Variants in VPS16 observed in about 807,000 individuals in gnomAD.
The protein encoded by VPS16 is vacuolar protein sorting-associated protein 16 homolog.
A neutral mutation model predicts 116.0 loss-of-function variants in VPS16; 82 were observed. That is an observed-to-expected ratio of 0.71 (90% CI 0.59 to 0.85). The LOEUF (loss-of-function observed/expected upper bound fraction) is 0.85, where lower values mean the gene tolerates loss of function less well. VPS16 is among the 40% of genes least tolerant of loss of function. VPS16 has a pLI of 0.00. For synonymous variants in VPS16, 406 were observed against 420.7 expected (o/e 0.96, Z 0.43); for missense variants, 928 against 1,090.6 (o/e 0.85, Z 2.10).
Position 2,861,660 on chromosome 20 carries a change from G to C in VPS16, c.855G>C (p.Trp285Cys). ...AGGAGAGGGCCGTGGTGGTGGCCTG[G>C]GAAAGGCGGCTGATGGTGGTGGGCG... ...RSKERAVVVAWERRLMVVGDA... is the reference protein window; with the variant it reads ...RSKERAVVVACERRLMVVGDA... Residue 285 changes from tryptophan to cysteine, a missense_variant, in exon 9 of 24, where the codon TGG becomes TGC. Trp to Cys is a radical substitution (Grantham distance 215). Coordinates refer to ENST00000380445, the MANE Select transcript of VPS16 (RefSeq NM_022575.4). The C allele has an allele frequency of 6.2e-7, 1 of 1,613,282 alleles. No individual in the cohort carries two copies. The highest frequency in any genetic ancestry group is 8.5e-7 in the Non-Finnish European group (1 of 1,179,898).
In VPS16 at chr20:2,860,247, T is replaced by G; in HGVS notation, c.249T>G (p.Ser83Arg). The change falls in exon 4 of 24, where the codon AGT (serine) becomes AGG (arginine). Residue 83 changes from serine to arginine, a missense_variant. Transcript: ENST00000380445. The surrounding 1 kb of genome is among the most constrained non-coding windows in gnomAD (Gnocchi z 6.1). Reference sequence around the variant, plus strand: ...ACCTCTCTCCCCTGCAGTGGAAGAGTGGACCCGTGGTGTCCCTGGGCTGGT... The same window carrying G: ...ACCTCTCTCCCCTGCAGTGGAAGAGGGGACCCGTGGTGTCCCTGGGCTGGT... ...GMPLASLLWK[S>R]GPVVSLGWSA... is the part of the protein sequence containing the mutation. The G allele has an allele frequency of 6.2e-7, 1 of 1,613,930 alleles. No individual in the cohort carries two copies. Among genetic ancestry groups the G allele is most frequent in the East Asian group, 2.2e-5 (1 of 44,862 alleles).
intron 2 of VPS16, 109 bp downstream of exon 2, chr20:2,859,916 C>A: frequency 6.8e-7 from 1 of 1,475,924 alleles, no homozygotes. Flanking sequence ...CCCCCACTCA[C>A]CCTGCTGAGA....
chr20:2,861,007 T>G lies in VPS16; in HGVS notation c.668T>G (p.Leu223Arg), dbSNP rs1394075620. 5.6e-6 allele frequency: 9 copies of G among 1,614,094 alleles called. No homozygotes were observed. The Admixed American group carries it at 1.5e-4, about 27-fold the overall frequency. The change falls in exon 7 of 24, where the codon CTA becomes CGA. Residue 223 changes from leucine to arginine, a missense_variant. Physicochemically the swap from Leu to Arg is moderately radical, Grantham distance 102. Coordinates refer to ENST00000380445, the MANE Select transcript of VPS16 (RefSeq NM_022575.4). Reference protein sequence around the residue: ...PGLAPGVSSFLQMAVSFTYRH... With the variant: ...PGLAPGVSSFRQMAVSFTYRH... ...CTGGCCCCAGGAGTAAGCAGCTTCCTACAGATGGCTGTCTCCTTCACCTAC... is the reference window on the plus strand; with the variant it reads ...CTGGCCCCAGGAGTAAGCAGCTTCCGACAGATGGCTGTCTCCTTCACCTAC...
intron 7 of VPS16, 24 bp downstream of exon 7, chr20:2,861,116 G>A (rs192393227): frequency 2.6e-4 from 414 of 1,614,172 alleles, no homozygotes; most frequent in Admixed American, 1.5e-3. Flanking sequence ...GCAACACAGG[G>A]GTACTGTGCC....
chr20:2,853,139 C>T (rs1034953186), intron 1 of VPS16, among the ~76,000 whole-genome samples: 4 of 152,200 alleles, frequency 2.6e-5, no homozygotes, highest in African/African-American at 9.6e-5. Context: ...ACTTGTAGTC[C>T]CAGCACTTTA....
rs752589076 is a variant in VPS16, at chr20:2,865,185, G to A, written c.2042G>A (p.Arg681Gln). Residue 681 changes from arginine to glutamine, a missense_variant, in exon 21 of 24, where the codon CGG (arginine) becomes CAG (glutamine). Transcript: ENST00000380445. The surrounding 1 kb of genome is among the most constrained non-coding windows in gnomAD (Gnocchi z 5.2). ...EDQMRLLRLQ[R>Q]RLEDELGGQF... ...CAAATGCGGCTCCTACGGCTGCAGCGGCGCCTAGAAGACGAGCTGGGGGGC... is the reference window on the plus strand; with the variant it reads ...CAAATGCGGCTCCTACGGCTGCAGCAGCGCCTAGAAGACGAGCTGGGGGGC... 30 of 1,614,158 alleles carry A rather than the reference G, an allele frequency of 1.9e-5. No homozygotes were observed. Among genetic ancestry groups the A allele is most frequent in the Middle Eastern group, 3.3e-4 (2 of 6,062 alleles).
In VPS16 at chr20:2,857,776, T is replaced by C. The variant is rs534978239; in HGVS notation, c.54-1943T>C. 2.6e-5 allele frequency among the ~76,000 whole-genome samples: 4 copies of C among 152,272 alleles called. No individual in the cohort carries two copies. The East Asian group carries it at 7.7e-4, about 29-fold the overall frequency. On this transcript the variant is annotated intron_variant, in intron 1 of 23. Transcript: ENST00000380445. ...CCCAGGCTGGAGTGCAGTGGCATGATCCTGGCTCACTGTAACTTCTGCCTC... is the reference window on the plus strand; with the variant it reads ...CCCAGGCTGGAGTGCAGTGGCATGACCCTGGCTCACTGTAACTTCTGCCTC...
Position 2,860,611 on chromosome 20 carries a change from T to C in VPS16, c.514+18T>C, listed in dbSNP as rs1225497113. 29 of 1,612,980 alleles carry C rather than the reference T, an allele frequency of 1.8e-5. No homozygotes were observed. Among genetic ancestry groups the C allele is most frequent in the Non-Finnish European group, 2.4e-5 (28 of 1,179,778 alleles). ...GGTGCCAGGTAAGCCCTGACACCGC[T>C]GAGATAGCCAAGCAGTACCCACAGA... On this transcript the variant is annotated intron_variant, in intron 5 of 23. Transcript: ENST00000380445. The surrounding 1 kb of genome is among the most constrained non-coding windows in gnomAD (Gnocchi z 6.1).
At position 2,864,402 on chromosome 20, in the gene VPS16, C is replaced by T. The variant is rs780769907; in HGVS notation, c.1758C>T (p.Asn586=). ...TGCTGCACCTGAAGAACGAGCTGAA[C>T]CGAGGAGATTTTTTCATGACCCTTC... The part of the protein sequence containing the change: ...TVLLHLKNEL[N]RGDFFMTLRN... Residue 586 remains asparagine (N), a synonymous_variant, in exon 18 of 24, where the codon AAC becomes AAT. Transcript: ENST00000380445. This position sits in a 1 kb window ranked among gnomAD's most constrained non-coding sequence, Gnocchi z 5.2. The T allele has an allele frequency of 6.2e-6, 10 of 1,614,038 alleles. No individual in the cohort carries two copies. The South Asian group carries it at 1.1e-4, about 18-fold the overall frequency.
chr20:2,860,343 C>A lies in VPS16; in HGVS notation c.345C>A (p.Phe115Leu), dbSNP rs2089213528. 1 of 1,613,978 alleles carries A rather than the reference C, an allele frequency of 6.2e-7. No individual in the cohort carries two copies. Residue 115 changes from phenylalanine (F) to leucine (L), a missense_variant, in exon 4 of 24, where the codon TTC (phenylalanine) becomes TTA (leucine). Coordinates refer to ENST00000380445, the MANE Select transcript of VPS16 (RefSeq NM_022575.4). This position sits in a 1 kb window ranked among gnomAD's most constrained non-coding sequence, Gnocchi z 6.1. ...TGGTTTATGGGCTTCATGGTGACTT[C>A]CGGAGACACTTCAGCATGGGCAATG... ...AVLVYGLHGD[F>L]RRHFSMGNEV...
chr20:2,863,932 C>A lies in VPS16; in HGVS notation c.1477-17C>A, dbSNP rs1428611800. On this transcript the variant is annotated splice_polypyrimidine_tract_variant and intron_variant, in intron 15 of 23. Transcript: ENST00000380445. The surrounding 1 kb of genome is among the most constrained non-coding windows in gnomAD (Gnocchi z 4.4). ...GAATGGCATCCAGATGTTTGTGACA[C>A]CCCGCATCCCTTGCAGGTGCAACAG... 3.7e-6 allele frequency: 6 copies of A among 1,611,534 alleles called. No individual in the cohort carries two copies. The highest frequency in any genetic ancestry group is 5.1e-6 in the Non-Finnish European group (6 of 1,178,332).
chr20:2,861,221 T>G lies in VPS16; in HGVS notation c.754-4T>G. 6.2e-7 allele frequency: 1 copy of G among 1,614,184 alleles called. No homozygotes were observed. Among genetic ancestry groups the G allele is most frequent in the Non-Finnish European group, 8.5e-7 (1 of 1,180,026 alleles). ...GGGCCATGACATTGCCCACACCATTTCAGGAGAAGCTATGTGAGTTCAACT... is the reference window on the plus strand; with the variant it reads ...GGGCCATGACATTGCCCACACCATTGCAGGAGAAGCTATGTGAGTTCAACT... On this transcript the variant is annotated splice_region_variant and splice_polypyrimidine_tract_variant and intron_variant, in intron 7 of 23. Transcript: ENST00000380445.
chr20:2,862,432 T>A, intron 11 of VPS16, 147 bp from the exon 12 acceptor site: 1 of 1,438,294 alleles, frequency 7.0e-7, no homozygotes, highest in Non-Finnish European at 9.2e-7. Context: ...GCACCTCAGG[T>A]GGATTGAGTG....
rs1470880700 is a variant in VPS16, at chr20:2,842,713, TAGAC to T, written c.53+1888_53+1891del. On this transcript the variant is annotated intron_variant, in intron 1 of 23. Coordinates refer to ENST00000380445, the MANE Select transcript of VPS16 (RefSeq NM_022575.4). The stretch of plus-strand genomic sequence containing the variant: ...ACATCTAGATGTATCTATATATAGA[TAGAC>T]ATATGGATGTATCTATCTATAGATA... Among the ~76,000 whole-genome samples, 7 of 72,210 alleles carry T rather than the reference TAGAC, an allele frequency of 9.7e-5. No homozygotes were observed. The Admixed American group carries it at 1.0e-3, about 10-fold the overall frequency. The allele number at this position is 72,210 out of a possible 152,430, so 47.4% of individuals were successfully genotyped here.
chr20:2,860,917 G>A lies in VPS16; in HGVS notation c.631-53G>A, dbSNP rs777123722. On this transcript the variant is annotated intron_variant, in intron 6 of 23. Transcript: ENST00000380445. The surrounding 1 kb of genome is among the most constrained non-coding windows in gnomAD (Gnocchi z 6.1). ...ACGGGCTGGGTTAGGCAATAGGGAG[G>A]TTCTGAAAAGTCAGTATGTATCTGT... 110 of 1,614,024 alleles carry A rather than the reference G, an allele frequency of 6.8e-5. No homozygotes were observed. The Middle Eastern group carries it at 1.5e-3, about 22-fold the overall frequency.
chr20:2,845,007 GGTGTGTGTGTGTGT>G (rs375923174), intron 1 of VPS16, among the ~76,000 whole-genome samples: 5 of 144,112 alleles, frequency 3.5e-5, no homozygotes, highest in East Asian at 4.1e-4. Flanking sequence ...ATTTGCAAGG[GGTGTGTGTGTGTGT>G]GTGTGTGTGT....
chr20:2,864,301 TG>T lies in VPS16; in HGVS notation c.1720+20del, dbSNP rs753199606. 5.0e-6 allele frequency: 8 copies of T among 1,613,794 alleles called. No individual in the cohort carries two copies. The highest frequency in any genetic ancestry group is 3.3e-5 in the Admixed American group (2 of 59,980). ...ACACTGACCTGGGTGAGGGCAAGGC[TG>T]GGGGGCCCCTGGGCTAAGTGGGAGC... On this transcript the variant is annotated intron_variant, in intron 17 of 23. Coordinates refer to ENST00000380445, the MANE Select transcript of VPS16 (RefSeq NM_022575.4). This position sits in a 1 kb window ranked among gnomAD's most constrained non-coding sequence, Gnocchi z 5.2.
chr20:2,863,198 G>T lies in VPS16; in HGVS notation c.1368-92G>T. 6.2e-7 allele frequency: 1 copy of T among 1,611,198 alleles called. No homozygotes were observed. Among genetic ancestry groups the T allele is most frequent in the African/African-American group, 1.3e-5 (1 of 74,940 alleles). On this transcript the variant is annotated intron_variant, in intron 14 of 23. Transcript: ENST00000380445. The surrounding 1 kb of genome is among the most constrained non-coding windows in gnomAD (Gnocchi z 4.4). ...TGGTCACTGCTCCTGACCTATCTAGGATGTGGGAGGCCTGATGTGCAGGCT... is the reference window on the plus strand; with the variant it reads ...TGGTCACTGCTCCTGACCTATCTAGTATGTGGGAGGCCTGATGTGCAGGCT...
rs182512166 is a variant in VPS16 at position 2,849,617 on chromosome 20, G to T, written c.53+8790G>T. Among the ~76,000 whole-genome samples, 785 of 151,066 alleles carry T rather than the reference G, an allele frequency of 5.2e-3. 7 individuals carry two copies. Among genetic ancestry groups the T allele is most frequent in the African/African-American group, 0.018 (731 of 40,770 alleles). On this transcript the variant is annotated intron_variant, in intron 1 of 23. Transcript: ENST00000380445. The stretch of plus-strand genomic sequence containing the variant: ...CCCGGTTGAAATAAGATTTTTTTTG[G>T]GGGGGGTGGGTGCTGTTAGAGAAGA...
Sources: gnomAD v4.1 joint callset for allele counts (sites outside exome capture counted in the v4.1 genomes callset) on GRCh38, gnomAD v4.1.1 for gene constraint, Gnocchi (gnomAD v3.1) non-coding constraint, MANE v1.5 for transcripts, NCBI Gene and HGNC (gene_info 2026-07-23, HGNC 2026-07-21) for gene names.